AKAP13: variants seen among roughly 807,000 people sequenced by gnomAD.
AKAP13 encodes A-kinase anchor protein 13.
In AKAP13, 80 loss-of-function variants were observed where a neutral mutation model predicts 264.5. The observed-to-expected ratio is 0.30, with a 90% CI of 0.25 to 0.36. The LOEUF (loss-of-function observed/expected upper bound fraction) is 0.36, where lower values mean the gene tolerates loss of function less well. AKAP13 is among the 10% of genes least tolerant of loss of function. AKAP13 has a pLI of 1.00. For synonymous variants in AKAP13, 1,380 were observed against 1,250.2 expected, an observed-to-expected ratio of 1.10 and a Z score of -2.19; for missense variants, 3,712 against 3,435.2, an observed-to-expected ratio of 1.08 and a Z score of -2.01.
At chr15:85,448,850 T>TTC (rs2073988865) in intron 1 of AKAP13, among the ~76,000 whole-genome samples, 3 of 148,912 alleles carry the variant, frequency 2.0e-5, no homozygotes, top group Admixed American at 2.0e-4. Flanking sequence ...TATTCAGGCT[T>TTC]TTTTTTTTTT....
intron 3 of AKAP13, among the ~76,000 whole-genome samples, chr15:85,532,122 A>G (rs1231564237): frequency 6.6e-6 from 1 of 152,202 alleles, no homozygotes; most frequent in Non-Finnish European, 1.5e-5. Context: ...TTGTGGAGAG[A>G]TGACTGTCAG....
chr15:85,474,595 A>G (rs2075086224), intron 1 of AKAP13, among the ~76,000 whole-genome samples: 1 of 152,186 alleles, frequency 6.6e-6, no homozygotes, highest in South Asian at 2.1e-4. Context: ...AAAATCTTTA[A>G]TAGGGGACTG....
intron 2 of AKAP13, among the ~76,000 whole-genome samples, chr15:85,486,583 C>G (rs2075554202): frequency 6.6e-6 from 1 of 152,072 alleles, no homozygotes. Flanking sequence ...TTTCTGGACT[C>G]TGAAGTCGAT....
At chr15:85,392,794 G>T (rs985272474) in intron 1 of AKAP13, among the ~76,000 whole-genome samples, 3 of 152,162 alleles carry the variant, frequency 2.0e-5, no homozygotes, top group African/African-American at 4.8e-5. Context: ...GCACCATTTT[G>T]TTGAAAGGGT....
At chr15:85,450,373 C>T (rs1211772139) in intron 1 of AKAP13, among the ~76,000 whole-genome samples, 1 of 151,844 alleles carries the variant, frequency 6.6e-6, no homozygotes, top group African/African-American at 2.4e-5. Context: ...TTCAGTTCAG[C>T]TCTGATTTTT....
Position 85,746,307 on chromosome 15 carries a change from GTGTT to G in AKAP13, c.*1636_*1639del, listed in dbSNP as rs781485099. On this transcript the variant is annotated 3_prime_UTR_variant, in exon 37 of 37. Coordinates refer to ENST00000394518, the MANE Select transcript of AKAP13 (RefSeq NM_007200.5). ...TTTTATTTATTGTATTTGTGTGTTT[GTGTT>G]TGTTTTTTTTTAAGGGTGAGCCAGG... is the stretch of plus-strand genomic sequence containing the variant. The G allele has an allele frequency of 3.0e-4, 46 of 152,310 alleles. No individual in the cohort carries two copies. Among genetic ancestry groups the G allele is most frequent in the African/African-American group, 9.4e-4 (39 of 41,456 alleles). 9.4% of individuals were successfully genotyped at this position (152,310 alleles called of 1,614,324 possible). A position where few individuals can be genotyped will look rare whatever the true frequency, so the allele number is the denominator to read the frequency against.
intron 1 of AKAP13, among the ~76,000 whole-genome samples, chr15:85,485,317 C>G (rs754076679): frequency 6.6e-6 from 1 of 152,128 alleles, no homozygotes; most frequent in Non-Finnish European, 1.5e-5. Flanking sequence ...TCCAGGCTCC[C>G]TAGTAAGACT....
intron 1 of AKAP13, among the ~76,000 whole-genome samples, chr15:85,473,914 A>C: frequency 6.6e-6 from 1 of 152,270 alleles, no homozygotes; most frequent in East Asian, 1.9e-4. Context: ...GTAAACAGGC[A>C]TACCTGACTT....
At chr15:85,703,547 G>T (rs1054462551) in intron 17 of AKAP13, among the ~76,000 whole-genome samples, 9 of 152,146 alleles carry the variant, frequency 5.9e-5, no homozygotes, top group Non-Finnish European at 1.5e-5. Context: ...ATCCCCCAAA[G>T]ATTTTATTTA....
rs1349899752 is a variant in AKAP13, at chr15:85,740,250, A to G, written c.7586A>G (p.Tyr2529Cys). ...GTTGTCCAGAGCGTTGTTCATCTCT[A>G]CGAGCTCCTCAGCGCTCTGCAGGTG... ...EQVVQSVVHL[Y>C]ELLSALQGVV... Residue 2529 changes from tyrosine to cysteine, a missense_variant, in exon 34 of 37, where the codon TAC (tyrosine) becomes TGC (cysteine). Physicochemically the swap from Tyr to Cys is radical, Grantham distance 194. This residue lies in a region of AKAP13 where 611 missense variants were observed against 539.3 expected (regional missense o/e 1.13). Transcript: ENST00000394518. 3.1e-6 allele frequency: 5 copies of G among 1,614,088 alleles called. No homozygotes were observed. Among genetic ancestry groups the G allele is most frequent in the Non-Finnish European group, 3.4e-6 (4 of 1,180,042 alleles).
chr15:85,543,903 G>C lies in AKAP13; in HGVS notation c.610G>C (p.Val204Leu). 8.7e-6 allele frequency: 14 copies of C among 1,614,090 alleles called. No homozygotes were observed. Among genetic ancestry groups the C allele is most frequent in the Non-Finnish European group, 1.2e-5 (14 of 1,179,986 alleles). ...CCACAACCAGGAAGGGGCGACGCCT[G>C]TGAGCTTGGCCTTGGAGCGAGGCTA... is the stretch of plus-strand genomic sequence containing the variant. ...SIHNQEGATPVSLALERGYHK... is the reference protein window; with the variant it reads ...SIHNQEGATPLSLALERGYHK... The change falls in exon 5 of 37, where the codon GTG becomes CTG. Residue 204 changes from valine (V) to leucine (L), a missense_variant. Coordinates refer to ENST00000394518, the MANE Select transcript of AKAP13 (RefSeq NM_007200.5).
intron 8 of AKAP13, among the ~76,000 whole-genome samples, chr15:85,638,799 C>T (rs1389261824): frequency 2.0e-5 from 3 of 151,888 alleles, no homozygotes; most frequent in Non-Finnish European, 4.4e-5. Flanking sequence ...TTGCTCCGCC[C>T]AGGCTGGAGT....
intron 8 of AKAP13, chr15:85,620,130 C>G (rs2081113907): frequency 6.5e-7 from 1 of 1,535,974 alleles, no homozygotes; most frequent in African/African-American, 1.4e-5. Flanking sequence ...GCCTCTGTGA[C>G]ATCTCCAAGG....
intron 8 of AKAP13, among the ~76,000 whole-genome samples, chr15:85,614,055 ATTC>A (rs1293326215): frequency 6.6e-6 from 1 of 152,208 alleles, no homozygotes; most frequent in African/African-American, 2.4e-5. Flanking sequence ...CAATAAACTT[ATTC>A]TTCTAGCGGT....
intron 5 of AKAP13, among the ~76,000 whole-genome samples, chr15:85,568,986 T>C (rs1020107523): frequency 2.0e-5 from 3 of 152,114 alleles, no homozygotes; most frequent in Non-Finnish European, 4.4e-5. Flanking sequence ...CTGTAGGATT[T>C]GAAATAAGGA....
intron 17 of AKAP13, 110 bp from the exon 18 acceptor site, chr15:85,707,909 G>A: frequency 9.9e-7 from 1 of 1,012,204 alleles, no homozygotes; most frequent in Non-Finnish European, 1.5e-6. Context: ...ATTCTCACAT[G>A]TGAGTGACTT....
intron 12 of AKAP13, among the ~76,000 whole-genome samples, chr15:85,661,915 A>AC (rs1019741126): frequency 6.6e-6 from 1 of 151,928 alleles, no homozygotes; most frequent in African/African-American, 2.4e-5. Flanking sequence ...AAAAAAAAAA[A>AC]AAAACCGGAT....
At chr15:85,637,425 C>T (rs2082112156) in intron 8 of AKAP13, among the ~76,000 whole-genome samples, 2 of 152,128 alleles carry the variant, frequency 1.3e-5, no homozygotes. Flanking sequence ...GAATTTATTG[C>T]AGTAATGTTC....
chr15:85,437,748 A>G (rs1748251805), intron 1 of AKAP13, among the ~76,000 whole-genome samples: 2 of 152,246 alleles, frequency 1.3e-5, no homozygotes, highest in South Asian at 4.1e-4. Flanking sequence ...ATGCAGAAAA[A>G]GCCTTTGGCA....
Sources: allele counts gnomAD v4.1 joint callset (sites outside exome capture counted in the v4.1 genomes callset), GRCh38; gene constraint gnomAD v4.1.1; regional missense constraint gnomAD v4.1.1; transcripts MANE v1.5; gene names NCBI Gene and HGNC (gene_info 2026-07-23, HGNC 2026-07-21).